The following MX2 variants were observed in gnomAD, a reference collection of about 807,000 sequenced individuals.
MX2 encodes interferon-induced GTP-binding protein Mx2.
In MX2, 51 loss-of-function variants were observed where a neutral mutation model predicts 74.0. That is an observed-to-expected ratio of 0.69 (90% CI 0.55 to 0.87). The LOEUF (loss-of-function observed/expected upper bound fraction) is 0.87, where lower values mean the gene tolerates loss of function less well. Among genes scored for constraint, MX2 ranks in the 40% least tolerant of loss-of-function variants. The pLI, the probability that MX2 is intolerant of heterozygous loss-of-function variation, is 0.00. For synonymous variants in MX2, 369 were observed against 339.3 expected, an observed-to-expected ratio of 1.09 and a Z score of -0.96; for missense variants, 832 against 908.7, an observed-to-expected ratio of 0.92 and a Z score of 1.09.
At chr21:41,403,688 CT>C in intron 12 of MX2, 1 of 520,512 alleles carries the variant, frequency 1.9e-6, no homozygotes, top group Non-Finnish European at 3.9e-6. Context: ...ACTAGTCCTA[CT>C]CCCAAATTTG....
chr21:41,392,982 T>C (rs2089680581), intron 6 of MX2, among the ~76,000 whole-genome samples: 1 of 151,798 alleles, frequency 6.6e-6, no homozygotes, highest in Admixed American at 6.6e-5. Flanking sequence ...GGCACAGGCC[T>C]GTAATCCCAG....
chr21:41,368,032 C>T lies in MX2; in HGVS notation c.-72+5977C>T, dbSNP rs746941141. Among the ~76,000 whole-genome samples, 8 of 152,188 alleles carry T rather than the reference C, an allele frequency of 5.3e-5. No individual in the cohort carries two copies. The highest frequency in any genetic ancestry group is 7.3e-5 in the Non-Finnish European group (5 of 68,028). On this transcript the variant is annotated intron_variant, in intron 1 of 13. Coordinates refer to ENST00000330714, the MANE Select transcript of MX2 (RefSeq NM_002463.2). The surrounding 1 kb of genome is among the most constrained non-coding windows in gnomAD (Gnocchi z 4.6). Reference sequence around the variant, plus strand: ...TCCCCTCTCTCAAGACCTGCACTTTCTCTTCAAGTCAAGGTCCACAGCTCC... The same window carrying T: ...TCCCCTCTCTCAAGACCTGCACTTTTTCTTCAAGTCAAGGTCCACAGCTCC...
At chr21:41,391,851 G>T (rs936151689) in intron 6 of MX2, among the ~76,000 whole-genome samples, 4 of 151,400 alleles carry the variant, frequency 2.6e-5, no homozygotes. Context: ...TAGGTTCAGG[G>T]GTACATGTGC....
intron 5 of MX2, among the ~76,000 whole-genome samples, chr21:41,384,203 G>T (rs927085959): frequency 6.6e-6 from 1 of 152,108 alleles, no homozygotes; most frequent in African/African-American, 2.4e-5. Flanking sequence ...TTCCTGTTAA[G>T]CCCGTGGAAC....
At position 41,368,971 on chromosome 21, in the gene MX2, C is replaced by G. The variant is rs1055434177; in HGVS notation, c.-72+6916C>G. On this transcript the variant is annotated intron_variant, in intron 1 of 13. Coordinates refer to ENST00000330714, the MANE Select transcript of MX2 (RefSeq NM_002463.2). This position sits in a 1 kb window ranked among gnomAD's most constrained non-coding sequence, Gnocchi z 4.6. ...CTAGGGTGGGTGCCACCAGGCCCACCGAGCTGCTGGGTCCTGGCCAAGCCC... is the reference window on the plus strand; with the variant it reads ...CTAGGGTGGGTGCCACCAGGCCCACGGAGCTGCTGGGTCCTGGCCAAGCCC... Among the ~76,000 whole-genome samples, 6 of 152,168 alleles carry G rather than the reference C, an allele frequency of 3.9e-5. No individual in the cohort carries two copies. Among genetic ancestry groups the G allele is most frequent in the Non-Finnish European group, 7.3e-5 (5 of 68,036 alleles).
rs2089286072 is a variant in MX2 at position 41,368,351 on chromosome 21, G to A, written c.-72+6296G>A. Among the ~76,000 whole-genome samples the A allele has an allele frequency of 6.6e-6, 1 of 152,108 alleles. No individual in the cohort carries two copies. Among genetic ancestry groups the A allele is most frequent in the Non-Finnish European group, 1.5e-5 (1 of 68,022 alleles). On this transcript the variant is annotated intron_variant, in intron 1 of 13. Transcript: ENST00000330714. This position sits in a 1 kb window ranked among gnomAD's most constrained non-coding sequence, Gnocchi z 4.6. ...GTAGCCATTTCTGAAGATTGTGCAG[G>A]GGAGACAGATGGTTCACCAGGCACA...
At chr21:41,392,330 C>A (rs998195507) in intron 6 of MX2, among the ~76,000 whole-genome samples, 13 of 152,150 alleles carry the variant, frequency 8.5e-5, no homozygotes, top group African/African-American at 3.1e-4. Flanking sequence ...TATTATTTAG[C>A]CTCAAAAAGG....
At chr21:41,378,952 T>A (rs1297358276) in intron 3 of MX2, among the ~76,000 whole-genome samples, 1 of 152,156 alleles carries the variant, frequency 6.6e-6, no homozygotes, top group Admixed American at 6.5e-5. Flanking sequence ...AGGCATCTGA[T>A]GGTTTCTCCA....
At position 41,377,949 on chromosome 21, in the gene MX2, C is replaced by A. The variant is rs2089430391; in HGVS notation, c.410C>A (p.Ala137Glu). The A allele has an allele frequency of 6.2e-7, 1 of 1,613,958 alleles. No individual in the cohort carries two copies. The highest frequency in any genetic ancestry group is 1.3e-5 in the African/African-American group (1 of 74,956). The change falls in exon 3 of 14, where the codon GCA becomes GAA. Residue 137 changes from alanine (A) to glutamate (E), a missense_variant. Transcript: ENST00000330714. Reference sequence around the variant, plus strand: ...TCGGGCAAGAGCTCTGTGCTGGAGGCACTGTCAGGAGTCGCGCTTCCCAGA... The same window carrying A: ...TCGGGCAAGAGCTCTGTGCTGGAGGAACTGTCAGGAGTCGCGCTTCCCAGA... The part of the protein sequence containing the change: ...QSSGKSSVLE[A>E]LSGVALPRGS...
At position 41,402,519 on chromosome 21, in the gene MX2, G is replaced by A. The variant is rs1199794180; in HGVS notation, c.1573+391G>A. 6.0e-5 allele frequency: 11 copies of A among 182,798 alleles called. No individual in the cohort carries two copies. Among genetic ancestry groups the A allele is most frequent in the African/African-American group, 9.4e-5 (4 of 42,708 alleles). 11.3% of individuals were successfully genotyped at this position (182,798 alleles called of 1,614,324 possible). A position where few individuals can be genotyped will look rare whatever the true frequency, so the allele number is the denominator to read the frequency against. Reference sequence around the variant, plus strand: ...CACACGCAGCCACCAACACAGCCGCGTAAGGCAGCGGTCCCCAGTCTTTAT... The same window carrying A: ...CACACGCAGCCACCAACACAGCCGCATAAGGCAGCGGTCCCCAGTCTTTAT... On this transcript the variant is annotated intron_variant, in intron 11 of 13. Transcript: ENST00000330714. The surrounding 1 kb of genome is among the most constrained non-coding windows in gnomAD (Gnocchi z 4.5).
Position 41,382,700 on chromosome 21 carries a change from TG to T in MX2, c.732+141del, listed in dbSNP as rs1419158794. The T allele has an allele frequency of 8.5e-6, 10 of 1,174,758 alleles. No individual in the cohort carries two copies. In the Admixed American group the frequency reaches 2.0e-4, roughly 24 times the overall value. The allele number at this position is 1,174,758 out of a possible 1,614,324, so 72.8% of individuals were successfully genotyped here. A position where few individuals can be genotyped will look rare whatever the true frequency, so the allele number is the denominator to read the frequency against. ...GAGTCTCAGGTAAGACCTGCCCAGG[TG>T]GGGGCCTCATGCCCAGGTTCTGACT... On this transcript the variant is annotated intron_variant, in intron 5 of 13. Transcript: ENST00000330714.
intron 10 of MX2, among the ~76,000 whole-genome samples, chr21:41,400,703 CTTTATTTA>C (rs34891525): frequency 6.6e-6 from 1 of 151,416 alleles, no homozygotes; most frequent in Admixed American, 6.6e-5. Flanking sequence ...CTGCCAAACA[CTTTATTTA>C]TTTATTTATT....
chr21:41,388,839 G>C lies in MX2; in HGVS notation c.733-1726G>C, dbSNP rs968039016. 6.6e-5 allele frequency among the ~76,000 whole-genome samples: 10 copies of C among 152,180 alleles called. No individual in the cohort carries two copies. Among genetic ancestry groups the C allele is most frequent in the African/African-American group, 2.4e-4 (10 of 41,436 alleles). On this transcript the variant is annotated intron_variant, in intron 5 of 13. Transcript: ENST00000330714. This position sits in a 1 kb window ranked among gnomAD's most constrained non-coding sequence, Gnocchi z 4.0. ...CCCCAGGGGACACTGGCAATGTCAG[G>C]ACATCTTTTTGCTTGTCATAACTCA...
At chr21:41,384,314 G>A (rs1386504355) in intron 5 of MX2, among the ~76,000 whole-genome samples, 1 of 152,180 alleles carries the variant, frequency 6.6e-6, no homozygotes, top group Non-Finnish European at 1.5e-5. Flanking sequence ...ATCAGAACAT[G>A]CAGCTTCCTC....
intron 12 of MX2, chr21:41,403,812 T>C (rs1044745055): frequency 1.6e-5 from 6 of 366,976 alleles, no homozygotes; most frequent in Non-Finnish European, 3.3e-5. Flanking sequence ...GGGCTGTAGA[T>C]AAAATTCCTC....
At chr21:41,362,626 G>A (rs541075322) in intron 1 of MX2, among the ~76,000 whole-genome samples, 1 of 152,120 alleles carries the variant, frequency 6.6e-6, no homozygotes, top group South Asian at 2.1e-4. Flanking sequence ...GCCAGTAGGG[G>A]CCAACTCCAG....
chr21:41,378,112 A>G (rs1674950054), intron 3 of MX2, 131 bp downstream of exon 3: 1 of 1,180,792 alleles, frequency 8.5e-7, no homozygotes, highest in Non-Finnish European at 1.2e-6. Flanking sequence ...GGACGCTGGG[A>G]GAGAGGCCGC....
chr21:41,391,167 G>A (rs1254789859), intron 6 of MX2, among the ~76,000 whole-genome samples: 1 of 152,002 alleles, frequency 6.6e-6, no homozygotes, highest in Non-Finnish European at 1.5e-5. Flanking sequence ...GGCTTATTGA[G>A]GACTGAAGTA....
At chr21:41,405,820 T>C (rs899331483) in intron 12 of MX2, among the ~76,000 whole-genome samples, 4 of 148,296 alleles carry the variant, frequency 2.7e-5, no homozygotes, top group East Asian at 2.1e-4. Context: ...TTCTCCTGCC[T>C]CAGCCTCCCA....
Sources: allele counts gnomAD v4.1 joint callset (sites outside exome capture counted in the v4.1 genomes callset), GRCh38; gene constraint gnomAD v4.1.1; non-coding constraint Gnocchi (gnomAD v3.1); transcripts MANE v1.5; gene names NCBI Gene and HGNC (gene_info 2026-07-23, HGNC 2026-07-21).